Variants in WRNIP1 observed in about 807,000 individuals in gnomAD.
The protein encoded by WRNIP1 is ATPase WRNIP1.
In WRNIP1, 41 loss-of-function variants were observed where a neutral mutation model predicts 56.1. The observed-to-expected ratio is 0.73, with a 90% CI of 0.57 to 0.95. WRNIP1 has a LOEUF of 0.95. WRNIP1 is among the 40% of genes least tolerant of loss of function. WRNIP1 has a pLI of 0.00. For synonymous variants in WRNIP1, 547 were observed against 398.1 expected (o/e 1.37, Z -4.45); for missense variants, 1,170 against 939.4 (o/e 1.25, Z -3.21).
At chr6:2,783,157 C>T (rs189496315) in intron 4 of WRNIP1, among the ~76,000 whole-genome samples, 412 of 152,292 alleles carry the variant, frequency 2.7e-3, no homozygotes, top group African/African-American at 7.7e-3. Flanking sequence ...TGTGCGTGTG[C>T]GTGCACTCCA....
chr6:2,766,332 A>T lies in WRNIP1; in HGVS notation c.710A>T (p.Gln237Leu). ...LADTMRPDTL[Q>L]DYFGQSKAVG... Reference sequence around the variant, plus strand: ...GACACGATGCGTCCTGACACGCTGCAGGATTACTTCGGGCAGAGCAAGGCC... The same window carrying T: ...GACACGATGCGTCCTGACACGCTGCTGGATTACTTCGGGCAGAGCAAGGCC... The change falls in exon 1 of 7, where the codon CAG becomes CTG. Residue 237 changes from glutamine to leucine, a missense_variant. By Grantham distance (113) the Gln-to-Leu change is moderately radical. Transcript: ENST00000380773. 6.2e-7 allele frequency: 1 copy of T among 1,610,866 alleles called. No homozygotes were observed. Among genetic ancestry groups the T allele is most frequent in the Non-Finnish European group, 8.5e-7 (1 of 1,179,114 alleles).
rs1045418359 is a variant in WRNIP1 at position 2,765,824 on chromosome 6, G to A, written c.202G>A (p.Gly68Ser). Residue 68 changes from glycine to serine, a missense_variant, in exon 1 of 7, where the codon GGC becomes AGC. Coordinates refer to ENST00000380773, the MANE Select transcript of WRNIP1 (RefSeq NM_020135.3). ...GCGGGCCAAGGGGCCCTCGCCGCCC[G>A]GCGCCAAGAGGCGGCGGCTGTCGGA... ...GERAKGPSPP[G>S]AKRRRLSESS... 6 of 1,357,798 alleles carry A rather than the reference G, an allele frequency of 4.4e-6. No homozygotes were observed. In the African/African-American group the frequency reaches 4.6e-5, roughly 10 times the overall value. 84.1% of individuals were successfully genotyped at this position (1,357,798 alleles called of 1,614,324 possible). A position where few individuals can be genotyped will look rare whatever the true frequency, so the allele number is the denominator to read the frequency against.
chr6:2,767,647 G>A (rs1259333111), intron 1 of WRNIP1, among the ~76,000 whole-genome samples: 1 of 152,246 alleles, frequency 6.6e-6, no homozygotes, highest in Admixed American at 6.5e-5. Context: ...GGATTGAGCA[G>A]TATCATTCTT....
intron 4 of WRNIP1, among the ~76,000 whole-genome samples, chr6:2,781,938 C>G (rs1050898170): frequency 6.6e-6 from 1 of 152,230 alleles, no homozygotes; most frequent in African/African-American, 2.4e-5. Context: ...GGGGTCCAGC[C>G]CAGGCTGTTT....
At chr6:2,772,028 TAATC>T (rs1258497722) in intron 3 of WRNIP1, among the ~76,000 whole-genome samples, 1 of 152,234 alleles carries the variant, frequency 6.6e-6, no homozygotes, top group East Asian at 1.9e-4. Flanking sequence ...AAGTCAATAA[TAATC>T]AGTTGTTACT....
chr6:2,768,677 G>A lies in WRNIP1; in HGVS notation c.823-14G>A. The A allele has an allele frequency of 6.3e-7, 1 of 1,586,014 alleles. No homozygotes were observed. The highest frequency in any genetic ancestry group is 8.6e-7 in the Non-Finnish European group (1 of 1,164,060). ...TACCAGCTTTTCAAACTCCATGTAT[G>A]TCATCTTTTCTAGACCACTCTGGCT... is the stretch of plus-strand genomic sequence containing the variant. On this transcript the variant is annotated splice_polypyrimidine_tract_variant and intron_variant, in intron 1 of 6. Coordinates refer to ENST00000380773, the MANE Select transcript of WRNIP1 (RefSeq NM_020135.3).
Position 2,785,001 on chromosome 6 carries a change from T to C in WRNIP1, c.1723-6T>C, listed in dbSNP as rs201329391. ...TAGTAAAATGTGTCCTCTGTGTCATTGGTAGGTGCTTCTGGCCCAGTGTGT... is the reference window on the plus strand; with the variant it reads ...TAGTAAAATGTGTCCTCTGTGTCATCGGTAGGTGCTTCTGGCCCAGTGTGT... On this transcript the variant is annotated splice_polypyrimidine_tract_variant and splice_region_variant and intron_variant, in intron 6 of 6. Transcript: ENST00000380773. 6 of 1,613,660 alleles carry C rather than the reference T, an allele frequency of 3.7e-6. No homozygotes were observed. Among genetic ancestry groups the C allele is most frequent in the Middle Eastern group, 1.7e-4 (1 of 6,050 alleles).
intron 2 of WRNIP1, among the ~76,000 whole-genome samples, chr6:2,769,530 A>G (rs905707380): frequency 7.9e-5 from 12 of 152,170 alleles, no homozygotes; most frequent in African/African-American, 2.9e-4. Context: ...TTTTAATCAT[A>G]CATAGAATAT....
chr6:2,779,477 T>C lies in WRNIP1; in HGVS notation c.1471T>C (p.Leu491=), dbSNP rs1765508129. Residue 491 remains leucine, a synonymous_variant, in exon 4 of 7, where the codon TTA becomes CTA. Coordinates refer to ENST00000380773, the MANE Select transcript of WRNIP1 (RefSeq NM_020135.3). ...GGAGGGCCTACAGCGATCCCACATTTTATATGACCGGGCAGGTAAGTAATT... is the reference window on the plus strand; with the variant it reads ...GGAGGGCCTACAGCGATCCCACATTCTATATGACCGGGCAGGTAAGTAATT... ...VKEGLQRSHI[L]YDRAGEEHYN... is the part of the protein sequence containing the mutation. 6.2e-7 allele frequency: 1 copy of C among 1,613,848 alleles called. No individual in the cohort carries two copies. The highest frequency in any genetic ancestry group is 8.5e-7 in the Non-Finnish European group (1 of 1,179,878).
rs1561919292 is a variant in WRNIP1, at chr6:2,785,249, GGGGGTAGATTT to G, written c.1966_1976del (p.Gly656LeufsTer50). 1 of 1,614,098 alleles carries G rather than the reference GGGGGTAGATTT, an allele frequency of 6.2e-7. No individual in the cohort carries two copies. Among genetic ancestry groups the G allele is most frequent in the South Asian group, 1.1e-5 (1 of 91,086 alleles). ...AGGAGTACCTGCCTGAAGAGTTGAG[GGGGGTAGATTT>G]CTTCAAGCAGAGGAGGTGCTGACTC... On this transcript the variant is annotated frameshift_variant, in exon 7 of 7. Transcript: ENST00000380773. LOFTEE classifies it high-confidence loss of function.
At chr6:2,782,724 T>G (rs1465035935) in intron 4 of WRNIP1, among the ~76,000 whole-genome samples, 1 of 152,210 alleles carries the variant, frequency 6.6e-6, no homozygotes, top group Non-Finnish European at 1.5e-5. Flanking sequence ...ATGCCTTTTT[T>G]TAAAGCACAT....
intron 3 of WRNIP1, among the ~76,000 whole-genome samples, chr6:2,774,879 G>T (rs1765396921): frequency 6.6e-6 from 1 of 152,228 alleles, no homozygotes. Flanking sequence ...AGAGTATGCT[G>T]TTGCACAGTC....
At chr6:2,766,899 C>T (rs191249640) in intron 1 of WRNIP1, among the ~76,000 whole-genome samples, 84 of 152,178 alleles carry the variant, frequency 5.5e-4, no homozygotes, top group Admixed American at 5.2e-3. Context: ...TGTTGTGCTT[C>T]CTTCCTTTTC....
chr6:2,774,115 A>G, intron 3 of WRNIP1: 1 of 985,272 alleles, frequency 1.0e-6, no homozygotes, highest in East Asian at 1.1e-4. Flanking sequence ...GCCAGAATAA[A>G]TGGTTGGTAT....
At chr6:2,774,386 GCT>G in intron 3 of WRNIP1, 1 of 643,550 alleles carries the variant, frequency 1.6e-6, no homozygotes, top group Non-Finnish European at 1.9e-6. Flanking sequence ...ACAAGGCGAT[GCT>G]CTCATCCAGC....
At chr6:2,769,951 G>A (rs1765203704) in intron 2 of WRNIP1, among the ~76,000 whole-genome samples, 169 bp from the exon 3 acceptor site, 1 of 152,164 alleles carries the variant, frequency 6.6e-6, no homozygotes. Flanking sequence ...AGCAAGAGTT[G>A]TACTCCCCCA....
At chr6:2,767,291 T>C (rs1765059721) in intron 1 of WRNIP1, among the ~76,000 whole-genome samples, 1 of 152,202 alleles carries the variant, frequency 6.6e-6, no homozygotes, top group African/African-American at 2.4e-5. Context: ...ACAGGATGCT[T>C]TTATCCATAA....
chr6:2,785,696 T>A lies in WRNIP1; in HGVS notation c.*414T>A, dbSNP rs1026350666. On this transcript the variant is annotated 3_prime_UTR_variant, in exon 7 of 7. Coordinates refer to ENST00000380773, the MANE Select transcript of WRNIP1 (RefSeq NM_020135.3). ...TTAATACTGCATAGTGTTTTGGGTA[T>A]TTTTTTTATATGCAAAGGTCTTACG... 1.1e-4 allele frequency: 19 copies of A among 165,976 alleles called. No individual in the cohort carries two copies. The highest frequency in any genetic ancestry group is 3.9e-5 in the Non-Finnish European group (3 of 76,344). 10.3% of individuals were successfully genotyped at this position (165,976 alleles called of 1,614,324 possible). A position where few individuals can be genotyped will look rare whatever the true frequency, so the allele number is the denominator to read the frequency against.
chr6:2,771,713 TA>T, intron 3 of WRNIP1, among the ~76,000 whole-genome samples: 1 of 152,236 alleles, frequency 6.6e-6, no homozygotes, highest in African/African-American at 2.4e-5. Flanking sequence ...ATCAAAAAAA[TA>T]GGAAATTCAG....
Sources: allele counts gnomAD v4.1 joint callset (sites outside exome capture counted in the v4.1 genomes callset), GRCh38; gene constraint gnomAD v4.1.1; transcripts MANE v1.5; gene names NCBI Gene and HGNC (gene_info 2026-07-23, HGNC 2026-07-21).